Variants in CDKAL1 observed in about 807,000 individuals in gnomAD.
CDKAL1 encodes threonylcarbamoyladenosine tRNA methylthiotransferase.
CDKAL1 carries 32 observed loss-of-function variants against 68.2 expected under a neutral mutation model. That is an observed-to-expected ratio of 0.47 (90% CI 0.35 to 0.63). The LOEUF is 0.63. Among genes scored for constraint, CDKAL1 ranks in the 30% least tolerant of loss-of-function variants. The pLI is 0.00. For missense variants in CDKAL1, 606 were observed against 696.7 expected (o/e 0.87, Z 1.47); for synonymous variants, 234 against 244.3 (o/e 0.96, Z 0.39).
chr6:20,682,639 C>G (rs1245118349), intron 5 of CDKAL1, among the ~76,000 whole-genome samples: 1 of 152,128 alleles, frequency 6.6e-6, no homozygotes, highest in Non-Finnish European at 1.5e-5. Flanking sequence ...GGCCCCTCCT[C>G]CAACAACGGG....
chr6:20,809,242 G>A (rs1032260150), intron 8 of CDKAL1, among the ~76,000 whole-genome samples: 1 of 152,160 alleles, frequency 6.6e-6, no homozygotes, highest in Non-Finnish European at 1.5e-5. Context: ...CACTCACAGG[G>A]CCATTCCTTC....
At chr6:20,738,945 T>C (rs1773321320) in intron 5 of CDKAL1, among the ~76,000 whole-genome samples, 1 of 152,200 alleles carries the variant, frequency 6.6e-6, no homozygotes, top group Admixed American at 6.5e-5. Context: ...TGCTTGCATA[T>C]GTGAGGGATA....
chr6:20,771,072 G>A (rs1477799067), intron 7 of CDKAL1, among the ~76,000 whole-genome samples: 1 of 152,154 alleles, frequency 6.6e-6, no homozygotes, highest in Non-Finnish European at 1.5e-5. Context: ...AGAAGTCAAA[G>A]TAGTGGCTCA....
At chr6:21,052,554 G>A (rs76552010) in intron 11 of CDKAL1, among the ~76,000 whole-genome samples, 3 of 46,528 alleles carry the variant, frequency 6.4e-5, no homozygotes, top group Non-Finnish European at 1.4e-4. Context: ...TTTTTTTTTT[G>A]TAAAGACAGG....
intron 8 of CDKAL1, among the ~76,000 whole-genome samples, chr6:20,828,429 A>G (rs1581657871): frequency 6.6e-6 from 1 of 151,782 alleles, no homozygotes; most frequent in African/African-American, 2.4e-5. Context: ...GGGTTTTGCC[A>G]TGTTGGCCAG....
chr6:20,829,548 T>A (rs1777628884), intron 8 of CDKAL1, among the ~76,000 whole-genome samples: 1 of 152,220 alleles, frequency 6.6e-6, no homozygotes, highest in African/African-American at 2.4e-5. Context: ...ACCCTTCACC[T>A]TAGTCATATG....
At position 20,765,386 on chromosome 6, in the gene CDKAL1, G is replaced by C. The variant is rs1207099916; in HGVS notation, c.517+6743G>C. Among the ~76,000 whole-genome samples the C allele has an allele frequency of 1.5e-5, 2 of 130,250 alleles. 1 individual carries two copies. The highest frequency in any genetic ancestry group is 3.3e-5 in the Non-Finnish European group (2 of 61,384). The allele number at this position is 130,250 out of a possible 152,430, so 85.4% of individuals were successfully genotyped here. On this transcript the variant is annotated intron_variant, in intron 7 of 15. Transcript: ENST00000274695. ...TTAGCCGGGATGGTCTCGATCTCCT[G>C]ACCTCGTGATCCGCCCGCCTCGGCC...
chr6:20,753,593 G>A (rs1016919821), intron 6 of CDKAL1, among the ~76,000 whole-genome samples: 7 of 152,128 alleles, frequency 4.6e-5, no homozygotes, highest in African/African-American at 1.7e-4. Flanking sequence ...ACACAATGAA[G>A]CGATGACCTA....
In CDKAL1 at chr6:20,865,870, C is replaced by T. The variant is rs980270527; in HGVS notation, c.742+19692C>T. ...GATTGCCTAAAATCTATGTGCCCCT[C>T]ATGCCACAGGCTTGCATTAAATGAA... On this transcript the variant is annotated intron_variant, in intron 9 of 15. Coordinates refer to ENST00000274695, the MANE Select transcript of CDKAL1 (RefSeq NM_017774.3). 1.2e-4 allele frequency among the ~76,000 whole-genome samples: 18 copies of T among 152,170 alleles called. 1 individual carries two copies. Among genetic ancestry groups the T allele is most frequent in the East Asian group, 9.6e-4 (5 of 5,192 alleles).
intron 13 of CDKAL1, among the ~76,000 whole-genome samples, chr6:21,138,101 A>T (rs1775708328): frequency 6.6e-6 from 1 of 152,178 alleles, no homozygotes; most frequent in African/African-American, 2.4e-5. Flanking sequence ...TGATGATTAC[A>T]TCCCTCAACC....
intron 8 of CDKAL1, among the ~76,000 whole-genome samples, chr6:20,815,252 T>C (rs1776995754): frequency 6.6e-6 from 1 of 152,122 alleles, no homozygotes; most frequent in Non-Finnish European, 1.5e-5. Context: ...ATTATTACCA[T>C]GTTTGTTTCC....
chr6:21,220,535 C>G (rs1004495182), intron 15 of CDKAL1, among the ~76,000 whole-genome samples: 1 of 152,174 alleles, frequency 6.6e-6, no homozygotes, highest in East Asian at 1.9e-4. Context: ...CAAATGCCAG[C>G]GCACCACTGT....
chr6:20,830,206 T>C (rs994111852), intron 8 of CDKAL1, among the ~76,000 whole-genome samples: 2 of 152,186 alleles, frequency 1.3e-5, no homozygotes, highest in African/African-American at 2.4e-5. Flanking sequence ...TGATCATAGC[T>C]GAGCCTTTTG....
intron 4 of CDKAL1, among the ~76,000 whole-genome samples, chr6:20,632,274 G>A (rs1001044910): frequency 1.3e-5 from 2 of 152,160 alleles, no homozygotes; most frequent in East Asian, 1.9e-4. Context: ...CTTCTTGATC[G>A]TGTGGCTGAC....
intron 5 of CDKAL1, chr6:20,722,472 CT>C: frequency 9.6e-6 from 3 of 311,422 alleles, no homozygotes; most frequent in East Asian, 9.1e-5. Flanking sequence ...TGGCAGTAGC[CT>C]TTTTACAGAA....
intron 4 of CDKAL1, among the ~76,000 whole-genome samples, chr6:20,580,092 G>A (rs111803235): frequency 1.1e-4 from 16 of 152,272 alleles, no homozygotes; most frequent in African/African-American, 3.1e-4. Context: ...CCATAGGGAC[G>A]GTCTGTGAAT....
At chr6:21,202,780 TG>T (rs1450200650) in intron 15 of CDKAL1, among the ~76,000 whole-genome samples, 1 of 152,216 alleles carries the variant, frequency 6.6e-6, no homozygotes, top group Non-Finnish European at 1.5e-5. Context: ...ATAGTGTTAC[TG>T]TCTAAAAGGG....
intron 8 of CDKAL1, among the ~76,000 whole-genome samples, chr6:20,841,793 A>G (rs549557030): frequency 6.6e-6 from 1 of 152,348 alleles, no homozygotes; most frequent in Admixed American, 6.5e-5. Context: ...CCTGGGTTAT[A>G]CTGCCAGATT....
chr6:21,207,950 T>C (rs906942906), intron 15 of CDKAL1, among the ~76,000 whole-genome samples: 4 of 152,198 alleles, frequency 2.6e-5, no homozygotes, highest in Non-Finnish European at 4.4e-5. Context: ...AGAAGGAGAT[T>C]CCAATAATAC....
Sources: allele counts gnomAD v4.1 joint callset (sites outside exome capture counted in the v4.1 genomes callset), GRCh38; gene constraint gnomAD v4.1.1; transcripts MANE v1.5; gene names NCBI Gene and HGNC (gene_info 2026-07-23, HGNC 2026-07-21).